Variants in C8orf34 observed in about 807,000 individuals in gnomAD.
C8orf34 encodes the protein uncharacterized protein C8orf34.
A neutral mutation model predicts 68.3 loss-of-function variants in C8orf34; 65 were observed. The ratio of observed to expected loss-of-function variants is 0.95; its 90% CI spans 0.78 to 1.17. The LOEUF (loss-of-function observed/expected upper bound fraction) is 1.17, where lower values mean the gene tolerates loss of function less well. C8orf34 is among the 50% of genes most tolerant of loss of function. The pLI is 0.00. For missense variants in C8orf34, 664 were observed against 655.4 expected, an observed-to-expected ratio of 1.01 and a Z score of -0.14; for synonymous variants, 244 against 241.2, an observed-to-expected ratio of 1.01 and a Z score of -0.11.
intron 7 of C8orf34, chr8:68,534,117 A>T (rs1815365224): frequency 7.1e-6 from 7 of 982,442 alleles, no homozygotes; most frequent in Non-Finnish European, 8.5e-6. Context: ...TCATTATAAA[A>T]AATGATATAT....
intron 3 of C8orf34, among the ~76,000 whole-genome samples, chr8:68,458,639 T>A (rs1811651602): frequency 6.6e-6 from 1 of 152,166 alleles, no homozygotes; most frequent in Admixed American, 6.5e-5. Context: ...AAATATTGTT[T>A]TTTCCACTCC....
At chr8:68,635,070 G>T (rs937028608) in intron 7 of C8orf34, among the ~76,000 whole-genome samples, 1 of 152,172 alleles carries the variant, frequency 6.6e-6, no homozygotes, top group African/African-American at 2.4e-5. Context: ...GTGAGGATCT[G>T]CTAGGAAATC....
At chr8:68,415,608 A>C (rs1358673080) in intron 1 of C8orf34, among the ~76,000 whole-genome samples, 1 of 151,906 alleles carries the variant, frequency 6.6e-6, no homozygotes, top group Non-Finnish European at 1.5e-5. Flanking sequence ...TATTTAACCC[A>C]CTCTGGAATC....
intron 8 of C8orf34, among the ~76,000 whole-genome samples, chr8:68,694,199 T>C (rs138166668): frequency 1.4e-3 from 209 of 151,820 alleles, no homozygotes; most frequent in African/African-American, 4.9e-3. Flanking sequence ...CCTTCAAAAA[T>C]CCTAGGAAAA....
chr8:68,604,440 C>CTT (rs1817792787), intron 7 of C8orf34, among the ~76,000 whole-genome samples: 1 of 151,670 alleles, frequency 6.6e-6, no homozygotes, highest in Admixed American at 6.6e-5. Flanking sequence ...TGTAAGAAAA[C>CTT]AAGTAAAATA....
In C8orf34 at chr8:68,817,484, C is replaced by T. The variant is rs73285479; in HGVS notation, c.1610-755C>T. On this transcript the variant is annotated intron_variant, in intron 13 of 13. Transcript: ENST00000518698. ...CTCTCTTTCATCAAATAAATATTTC[C>T]GAAGCCAATGCCACACACAAAGCAT... Among the ~76,000 whole-genome samples, 1,295 of 152,088 alleles carry T rather than the reference C, an allele frequency of 8.5e-3. 21 individuals are homozygous for T. Among genetic ancestry groups the T allele is most frequent in the African/African-American group, 0.03 (1,242 of 41,504 alleles).
intron 10 of C8orf34, 41 bp downstream of exon 10, chr8:68,721,478 CTAATT>C: frequency 7.6e-7 from 1 of 1,310,008 alleles, no homozygotes; most frequent in Non-Finnish European, 1.1e-6. Context: ...ATTGCTAAAA[CTAATT>C]TAAATTACTA....
chr8:68,528,418 T>C (rs1157242274), intron 6 of C8orf34, among the ~76,000 whole-genome samples: 1 of 152,216 alleles, frequency 6.6e-6, no homozygotes, highest in East Asian at 1.9e-4. Flanking sequence ...GTTTTCTTGT[T>C]TCTCACCCAC....
intron 8 of C8orf34, 130 bp downstream of exon 8, chr8:68,640,641 T>C (rs999509908): frequency 1.1e-6 from 1 of 907,260 alleles, no homozygotes; most frequent in Non-Finnish European, 1.6e-6. Context: ...TGTGCTAATA[T>C]TGGCAAGGGA....
chr8:68,727,991 C>T (rs1311187325), intron 10 of C8orf34, among the ~76,000 whole-genome samples: 1 of 152,178 alleles, frequency 6.6e-6, no homozygotes, highest in Non-Finnish European at 1.5e-5. Context: ...TTGAATTTCT[C>T]CCCAGAAAAT....
Position 68,384,341 on chromosome 8 carries a change from C to T in C8orf34, c.327+53002C>T, listed in dbSNP as rs186399480. ...TAGTGTTGAAAGTACTAATATCTTG[C>T]TGTTTGCATCACTTCTTGATTTGCT... On this transcript the variant is annotated intron_variant, in intron 1 of 13. Coordinates refer to ENST00000518698, the MANE Select transcript of C8orf34 (RefSeq NM_052958.4). Among the ~76,000 whole-genome samples, 10 of 152,256 alleles carry T rather than the reference C, an allele frequency of 6.6e-5. No homozygotes were observed. The East Asian group carries it at 1.4e-3, about 21-fold the overall frequency.
At chr8:68,692,410 A>T (rs1424532221) in intron 8 of C8orf34, among the ~76,000 whole-genome samples, 1 of 152,086 alleles carries the variant, frequency 6.6e-6, no homozygotes, top group Non-Finnish European at 1.5e-5. Flanking sequence ...TAACAGGAGA[A>T]AAACAGTCAC....
intron 11 of C8orf34, among the ~76,000 whole-genome samples, chr8:68,781,434 T>C (rs1823677046): frequency 6.6e-6 from 1 of 152,230 alleles, no homozygotes; most frequent in Non-Finnish European, 1.5e-5. Context: ...AGAAAAAGAA[T>C]GAATAGGATT....
chr8:68,372,217 G>T (rs979758366), intron 1 of C8orf34, among the ~76,000 whole-genome samples: 2 of 152,140 alleles, frequency 1.3e-5, no homozygotes, highest in African/African-American at 4.8e-5. Flanking sequence ...TAGTTCAAAA[G>T]ACATAATTCA....
intron 7 of C8orf34, among the ~76,000 whole-genome samples, chr8:68,554,844 C>G (rs933015744): frequency 2.0e-5 from 3 of 152,018 alleles, no homozygotes; most frequent in Non-Finnish European, 4.4e-5. Context: ...ACCCACATAT[C>G]TTTTTTAAAA....
intron 8 of C8orf34, among the ~76,000 whole-genome samples, chr8:68,703,714 C>A (rs1212128456): frequency 1.3e-5 from 2 of 152,068 alleles, no homozygotes; most frequent in Non-Finnish European, 2.9e-5. Context: ...CTCAAAAATT[C>A]TTGTGGGGTT....
intron 12 of C8orf34, among the ~76,000 whole-genome samples, chr8:68,793,789 C>A (rs1421438943): frequency 6.6e-6 from 1 of 151,852 alleles, no homozygotes; most frequent in East Asian, 1.9e-4. Context: ...CACGTCCTGC[C>A]CATGCACCCT....
At position 68,701,786 on chromosome 8, in the gene C8orf34, G is replaced by A. The variant is rs145164358; in HGVS notation, c.1242-7208G>A. Among the ~76,000 whole-genome samples the A allele has an allele frequency of 9.0e-3, 1,374 of 152,140 alleles. 6 individuals carry two copies. Among genetic ancestry groups the A allele is most frequent in the Admixed American group, 0.016 (246 of 15,248 alleles). On this transcript the variant is annotated intron_variant, in intron 8 of 13. Coordinates refer to ENST00000518698, the MANE Select transcript of C8orf34 (RefSeq NM_052958.4). ...AGATTATTCATCATCAAATGTTGCA[G>A]CTATCACACTGATGGCATATTCTCC...
intron 10 of C8orf34, among the ~76,000 whole-genome samples, chr8:68,730,477 G>A (rs1166245000): frequency 6.6e-6 from 1 of 151,980 alleles, no homozygotes; most frequent in Admixed American, 6.6e-5. Flanking sequence ...GACATTTCAG[G>A]TCTGTTGATT....
Sources: allele counts gnomAD v4.1 joint callset (sites outside exome capture counted in the v4.1 genomes callset), GRCh38; gene constraint gnomAD v4.1.1; transcripts MANE v1.5; gene names NCBI Gene and HGNC (gene_info 2026-07-23, HGNC 2026-07-21).